The following RMDN2 variants were observed in gnomAD, a reference collection of about 807,000 sequenced individuals.
RMDN2 encodes the protein regulator of microtubule dynamics 2.
A neutral mutation model predicts 52.8 loss-of-function variants in RMDN2; 61 were observed. That is an observed-to-expected ratio of 1.16 (90% CI 0.94 to 1.43). The LOEUF (loss-of-function observed/expected upper bound fraction) is 1.43, where lower values mean the gene tolerates loss of function less well. Ranked by LOEUF, RMDN2 falls within the 40% of genes most tolerant of loss-of-function variation. The pLI is 0.00. For missense variants in RMDN2, 592 were observed against 475.3 expected, an observed-to-expected ratio of 1.25 and a Z score of -2.28; for synonymous variants, 180 against 153.1, an observed-to-expected ratio of 1.18 and a Z score of -1.30.
chr2:37,988,025 C>T lies in RMDN2; in HGVS notation c.792-1516C>T, dbSNP rs534877733. ...AGTGAGCCAAGATTGCACCACTGCA[C>T]TCCAGACTGGGCGATAGAGCATGTC... On this transcript the variant is annotated intron_variant, in intron 5 of 10. Coordinates refer to ENST00000354545, the MANE Select transcript of RMDN2 (RefSeq NM_001170791.3). 3.3e-5 allele frequency among the ~76,000 whole-genome samples: 5 copies of T among 152,210 alleles called. 1 individual carries two copies. The South Asian group carries it at 1.0e-3, about 32-fold the overall frequency.
At chr2:38,012,409 G>A (rs574344876) in intron 10 of RMDN2, among the ~76,000 whole-genome samples, 2 of 152,184 alleles carry the variant, frequency 1.3e-5, no homozygotes, top group Non-Finnish European at 2.9e-5. Context: ...TAACTGCCTA[G>A]CATATAATAA....
chr2:37,974,012 G>T, intron 2 of RMDN2, 28 bp from the exon 3 acceptor site: 1 of 1,564,010 alleles, frequency 6.4e-7, no homozygotes, highest in Non-Finnish European at 8.7e-7. Context: ...ACTTTCAAAG[G>T]AGTTGATGAT....
intron 2 of RMDN2, among the ~76,000 whole-genome samples, chr2:37,946,905 T>C (rs1668267348): frequency 6.6e-6 from 1 of 152,180 alleles, no homozygotes; most frequent in Non-Finnish European, 1.5e-5. Flanking sequence ...ACCTAGAATA[T>C]ATACTTATAG....
intron 10 of RMDN2, among the ~76,000 whole-genome samples, chr2:38,022,906 A>T (rs1679501978): frequency 6.6e-6 from 1 of 152,218 alleles, no homozygotes; most frequent in African/African-American, 2.4e-5. Flanking sequence ...TCGGGGTCAG[A>T]CAACTGTAGT....
chr2:37,925,238 G>A (rs542228094), upstream of RMDN2: 1 of 152,462 alleles, frequency 6.6e-6, no homozygotes, highest in East Asian at 1.9e-4. Flanking sequence ...GAGAGGGGGC[G>A]GGAGCGGGGG....
chr2:38,063,170 C>G (rs1682126874), intron 10 of RMDN2, among the ~76,000 whole-genome samples: 1 of 152,172 alleles, frequency 6.6e-6, no homozygotes, highest in South Asian at 2.1e-4. Context: ...ATTTCTAGTT[C>G]TAGATCCCTC....
intron 2 of RMDN2, among the ~76,000 whole-genome samples, 171 bp from the exon 3 acceptor site, chr2:37,973,869 G>A (rs779735191): frequency 3.9e-5 from 6 of 152,064 alleles, no homozygotes; most frequent in East Asian, 3.8e-4. Flanking sequence ...GGCAAATTGC[G>A]CAGGGACTTG....
At chr2:37,923,809 G>A (rs1558425608), upstream of RMDN2, among the ~76,000 whole-genome samples, 1 of 152,158 alleles carries the variant, frequency 6.6e-6, no homozygotes, top group Non-Finnish European at 1.5e-5. Context: ...GTGAGCAGTG[G>A]CCCGATCTCG....
intron 2 of RMDN2, among the ~76,000 whole-genome samples, chr2:37,930,874 C>T (rs965503318): frequency 6.6e-6 from 1 of 152,188 alleles, no homozygotes; most frequent in African/African-American, 2.4e-5. Flanking sequence ...GTGGGCCTTC[C>T]GCCTCCGCCT....
chr2:37,935,099 C>T (rs985055403), intron 2 of RMDN2, among the ~76,000 whole-genome samples: 1 of 152,002 alleles, frequency 6.6e-6, no homozygotes, highest in African/African-American at 2.4e-5. Flanking sequence ...CTGTTAGGTT[C>T]ATATGATACT....
chr2:38,059,096 C>T (rs556012273), intron 10 of RMDN2, among the ~76,000 whole-genome samples: 54 of 152,302 alleles, frequency 3.5e-4, no homozygotes, highest in Non-Finnish European at 7.1e-4. Flanking sequence ...TAGAACTTTC[C>T]GCTATGATGG....
chr2:37,964,622 T>G (rs1305907038), intron 2 of RMDN2, among the ~76,000 whole-genome samples: 1 of 152,212 alleles, frequency 6.6e-6, no homozygotes, highest in Non-Finnish European at 1.5e-5. Context: ...TGGAGAATAT[T>G]CCACATGCAT....
intron 10 of RMDN2, among the ~76,000 whole-genome samples, chr2:38,049,569 T>G (rs1681467115): frequency 6.6e-6 from 1 of 152,236 alleles, no homozygotes; most frequent in Non-Finnish European, 1.5e-5. Flanking sequence ...TACATCATTT[T>G]GAAATTTTTT....
At chr2:38,032,086 A>G (rs1172193736) in intron 10 of RMDN2, among the ~76,000 whole-genome samples, 3 of 152,184 alleles carry the variant, frequency 2.0e-5, no homozygotes, top group Admixed American at 6.5e-5. Flanking sequence ...TTCTTTTTAC[A>G]TTAACTTTAT....
chr2:38,052,441 T>C (rs1681660617), intron 10 of RMDN2, among the ~76,000 whole-genome samples: 1 of 152,224 alleles, frequency 6.6e-6, no homozygotes, highest in South Asian at 2.1e-4. Context: ...GTTGAATGAA[T>C]AGTTTGCATA....
intron 10 of RMDN2, among the ~76,000 whole-genome samples, chr2:38,024,512 G>T (rs1466174648): frequency 6.6e-6 from 1 of 151,986 alleles, no homozygotes; most frequent in Non-Finnish European, 1.5e-5. Flanking sequence ...GGTTTAATTT[G>T]TATTTTTCTA....
In RMDN2 at chr2:38,017,225, TC is replaced by T. The variant is rs1374280349; in HGVS notation, c.1221del (p.Leu408Ter). On this transcript the variant is annotated frameshift_variant, in exon 11 of 11. Coordinates refer to ENST00000354545, the MANE Select transcript of RMDN2 (RefSeq NM_001170791.3). LOFTEE classifies it high-confidence loss of function. ...GAAAGAGATGCAAAAAATAATGACT[TC>T]CTTGAAGAGGTAAATAAACGAATTT... The part of the protein sequence containing the change: ...AQKEMQKIMT[S>X]LKR 2 of 1,533,680 alleles carry T rather than the reference TC, an allele frequency of 1.3e-6. No homozygotes were observed. The highest frequency in any genetic ancestry group is 1.8e-6 in the Non-Finnish European group (2 of 1,138,074).
At chr2:37,976,087 T>C (rs1672426697) in intron 4 of RMDN2, among the ~76,000 whole-genome samples, 1 of 152,232 alleles carries the variant, frequency 6.6e-6, no homozygotes, top group Admixed American at 6.5e-5. Flanking sequence ...TTTAATGTTT[T>C]TTCCAAATGT....
At chr2:37,937,441 A>G (rs1005101553) in intron 2 of RMDN2, among the ~76,000 whole-genome samples, 3 of 152,146 alleles carry the variant, frequency 2.0e-5, no homozygotes, top group African/African-American at 7.2e-5. Flanking sequence ...AAGAAAGTCA[A>G]TGGTAGCTTC....
Sources: gnomAD v4.1 joint callset for allele counts (sites outside exome capture counted in the v4.1 genomes callset) on GRCh38, gnomAD v4.1.1 for gene constraint, MANE v1.5 for transcripts, NCBI Gene and HGNC (gene_info 2026-07-23, HGNC 2026-07-21) for gene names.